The following SORL1 variants were observed in gnomAD, a reference collection of about 807,000 sequenced individuals.
SORL1 encodes sortilin related receptor 1.
A neutral mutation model predicts 273.7 loss-of-function variants in SORL1; 127 were observed. The ratio of observed to expected loss-of-function variants is 0.46; its 90% CI spans 0.40 to 0.54. The LOEUF (loss-of-function observed/expected upper bound fraction) is 0.54. Ranked by LOEUF, SORL1 falls within the 20% of genes least tolerant of loss-of-function variation. SORL1 has a pLI of 0.00. For synonymous variants in SORL1, 1,031 were observed against 1,067.4 expected, an observed-to-expected ratio of 0.97 and a Z score of 0.66; for missense variants, 2,494 against 2,846.1, an observed-to-expected ratio of 0.88 and a Z score of 2.81.
chr11:121,557,355 T>A lies in SORL1; in HGVS notation c.2613T>A (p.Asn871Lys), dbSNP rs1262906894. 6.2e-7 allele frequency: 1 copy of A among 1,614,160 alleles called. No individual in the cohort carries two copies. Among genetic ancestry groups the A allele is most frequent in the South Asian group, 1.1e-5 (1 of 91,084 alleles). ...PDGDFRLTIV[N>K]SSVLDRPRAL... ...GCGACTTCCGACTCACAATCGTCAA[T>A]TCCTCTGTGCTTGATCGTCCCAGGG... The change falls in exon 19 of 48, where the codon AAT becomes AAA. Residue 871 changes from asparagine to lysine, a missense_variant. Physicochemically the swap from Asn to Lys is moderately conservative, Grantham distance 94. This residue lies in a region of SORL1 where 1,609 missense variants were observed against 1,816.4 expected (regional missense o/e 0.89). Transcript: ENST00000260197.
intron 26 of SORL1, among the ~76,000 whole-genome samples, chr11:121,584,631 AC>A (rs1157736747): frequency 6.6e-6 from 1 of 151,780 alleles, no homozygotes; most frequent in Non-Finnish European, 1.5e-5. Context: ...TCACTCTGTC[AC>A]CCAGGCTGGA....
intron 30 of SORL1, chr11:121,590,503 A>G: frequency 5.9e-6 from 3 of 509,102 alleles, no homozygotes; most frequent in Admixed American, 7.1e-5. Flanking sequence ...CCAGACCTAC[A>G]GAGTCAGAAT....
intron 12 of SORL1, among the ~76,000 whole-genome samples, chr11:121,533,363 A>G (rs977479061): frequency 1.3e-5 from 2 of 152,164 alleles, no homozygotes; most frequent in Non-Finnish European, 2.9e-5. Flanking sequence ...TGTTAGTGAC[A>G]GAGACAGGAT....
intron 36 of SORL1, 54 bp from the exon 37 acceptor site, chr11:121,607,132 G>A (rs1296121713): frequency 1.7e-6 from 2 of 1,193,048 alleles, no homozygotes; most frequent in East Asian, 2.3e-5. Context: ...AAGATATTAG[G>A]ATGCCCTGGA....
chr11:121,501,675 A>G (rs1861710148), intron 6 of SORL1, among the ~76,000 whole-genome samples: 1 of 152,166 alleles, frequency 6.6e-6, no homozygotes, highest in African/African-American at 2.4e-5. Context: ...TTATAAAACC[A>G]TCAGATTTTG....
rs2134965114 is a variant in SORL1 at position 121,633,601 on chromosome 11, T to TAC, written c.*4038_*4039insAC. On this transcript the variant is annotated 3_prime_UTR_variant, in exon 48 of 48. Coordinates refer to ENST00000260197, the MANE Select transcript of SORL1 (RefSeq NM_003105.6). ...ATCTGCTGAAGGTTTTACTGTATTG[T>TAC]TGCACAACTTTAAGATAATTTTTGT... The TAC allele has an allele frequency of 6.6e-6, 1 of 152,396 alleles. No individual in the cohort carries two copies. The highest frequency in any genetic ancestry group is 1.9e-4 in the East Asian group (1 of 5,196). 9.4% of individuals were successfully genotyped at this position (152,396 alleles called of 1,614,324 possible).
intron 45 of SORL1, among the ~76,000 whole-genome samples, chr11:121,622,960 G>C (rs1863744257): frequency 1.3e-5 from 2 of 152,192 alleles, no homozygotes; most frequent in African/African-American, 4.8e-5. Flanking sequence ...TGCAGCATAG[G>C]CAAAGAGCCA....
intron 9 of SORL1, among the ~76,000 whole-genome samples, chr11:121,521,868 C>T (rs576070623): frequency 6.6e-6 from 1 of 152,308 alleles, no homozygotes; most frequent in African/African-American, 2.4e-5. Context: ...CTGTGCAGAA[C>T]CCTGGCCACA....
Position 121,631,044 on chromosome 11 carries a change from A to T in SORL1, c.*1481A>T. 1 of 154,500 alleles carries T rather than the reference A, an allele frequency of 6.5e-6. No homozygotes were observed. 9.6% of individuals were successfully genotyped at this position (154,500 alleles called of 1,614,324 possible). ...TCATGTCTCTGAATATGTGTCCTTG[A>T]CGTGCAAGCTTTGTAAAACCCCATC... On this transcript the variant is annotated 3_prime_UTR_variant, in exon 48 of 48. Coordinates refer to ENST00000260197, the MANE Select transcript of SORL1 (RefSeq NM_003105.6).
At chr11:121,584,160 G>A (rs904253319) in intron 26 of SORL1, among the ~76,000 whole-genome samples, 3 of 152,166 alleles carry the variant, frequency 2.0e-5, no homozygotes, top group Non-Finnish European at 2.9e-5. Context: ...TCTGAGAGGC[G>A]TTCTTCAGTA....
Position 121,545,341 on chromosome 11 carries a change from A to AC in SORL1, c.1969dup (p.His657ProfsTer11), listed in dbSNP as rs1372212304. On this transcript the variant is annotated frameshift_variant, in exon 14 of 48. Transcript: ENST00000260197. LOFTEE classifies it high-confidence loss of function. ...ACACAAGACTGTTTTCAAACGGCGG[A>AC]CCCCCCATGCCACATGCTTCAATGG... The AC allele has an allele frequency of 3.1e-6, 5 of 1,614,046 alleles. No homozygotes were observed. Among genetic ancestry groups the AC allele is most frequent in the Non-Finnish European group, 4.2e-6 (5 of 1,179,978 alleles).
chr11:121,577,237 A>G lies in SORL1; in HGVS notation c.3461-44A>G, dbSNP rs1311175907. 6.5e-6 allele frequency: 10 copies of G among 1,544,388 alleles called. No individual in the cohort carries two copies. In the Admixed American group the frequency reaches 2.0e-4, roughly 31 times the overall value. Reference sequence around the variant, plus strand: ...TTTGACACCAGAGACAAAATTCTGAACAAGCTTTTGTCCTCACCTCTCTGT... The same window carrying G: ...TTTGACACCAGAGACAAAATTCTGAGCAAGCTTTTGTCCTCACCTCTCTGT... On this transcript the variant is annotated intron_variant, in intron 24 of 47. Transcript: ENST00000260197.
In SORL1 at chr11:121,596,692, G is replaced by A. The variant is rs181779207; in HGVS notation, c.4519+920G>A. On this transcript the variant is annotated intron_variant, in intron 32 of 47. Transcript: ENST00000260197. This position sits in a 1 kb window ranked among gnomAD's most constrained non-coding sequence, Gnocchi z 4.3. ...CCTTGCCAGGATAAGGGCTTCGTCC[G>A]TGCTTGCCTGATTCCTGTCCTGGTG... 2.0e-5 allele frequency among the ~76,000 whole-genome samples: 3 copies of A among 152,262 alleles called. No homozygotes were observed. Among genetic ancestry groups the A allele is most frequent in the Admixed American group, 6.5e-5 (1 of 15,298 alleles).
chr11:121,468,568 A>G (rs549375324), intron 1 of SORL1, among the ~76,000 whole-genome samples: 1 of 152,284 alleles, frequency 6.6e-6, no homozygotes, highest in East Asian at 1.9e-4. Flanking sequence ...CTACAGGTGC[A>G]TGCCACCATG....
At position 121,605,534 on chromosome 11, in the gene SORL1, C is replaced by G; in HGVS notation, c.4911C>G (p.Asn1637Lys). The G allele has an allele frequency of 6.2e-7, 1 of 1,614,150 alleles. No homozygotes were observed. Among genetic ancestry groups the G allele is most frequent in the South Asian group, 1.1e-5 (1 of 91,074 alleles). The change falls in exon 35 of 48, where the codon AAC becomes AAG. Residue 1637 changes from asparagine (N) to lysine (K), a missense_variant. Coordinates refer to ENST00000260197, the MANE Select transcript of SORL1 (RefSeq NM_003105.6). The part of the protein sequence containing the change: ...VQVQCLSKAH[N>K]TNDFVTLRTP... ...TTCAGTGTCTCAGCAAGGCACACAA[C>G]ACCAATGACTTTGTGACCCTGAGGA... is the stretch of plus-strand genomic sequence containing the variant.
chr11:121,545,110 G>A (rs1401327982), intron 13 of SORL1, 133 bp from the exon 14 acceptor site: 1 of 731,316 alleles, frequency 1.4e-6, no homozygotes, highest in Non-Finnish European at 2.3e-6. Flanking sequence ...AAGCTGATTG[G>A]AGGGTCTGTG....
chr11:121,587,161 T>TGTTAGTTGGG (rs1450135184), intron 27 of SORL1, among the ~76,000 whole-genome samples: 4 of 152,168 alleles, frequency 2.6e-5, no homozygotes, highest in Non-Finnish European at 5.9e-5. Context: ...TTTCTAGTTG[T>TGTTAGTTGGG]GTTAGTTGGG....
chr11:121,594,575 T>C (rs1863266381), intron 31 of SORL1, among the ~76,000 whole-genome samples: 1 of 152,186 alleles, frequency 6.6e-6, no homozygotes, highest in African/African-American at 2.4e-5. Flanking sequence ...TATGGTATCC[T>C]GTTTTCTTTT....
chr11:121,533,526 C>G (rs1458568455), intron 12 of SORL1, among the ~76,000 whole-genome samples: 1 of 152,154 alleles, frequency 6.6e-6, no homozygotes, highest in African/African-American at 2.4e-5. Flanking sequence ...CTGAATGGTT[C>G]ATGTTAGGTC....
Sources: allele counts gnomAD v4.1 joint callset (sites outside exome capture counted in the v4.1 genomes callset), GRCh38; gene constraint gnomAD v4.1.1; regional missense constraint gnomAD v4.1.1; non-coding constraint Gnocchi (gnomAD v3.1); transcripts MANE v1.5; gene names NCBI Gene and HGNC (gene_info 2026-07-23, HGNC 2026-07-21).